The following ZNF804A variants were observed in gnomAD, a reference collection of about 807,000 sequenced individuals.
ZNF804A encodes the protein zinc finger protein 804A.
In ZNF804A, 2 loss-of-function variants were observed where a neutral mutation model predicts 16.5. That is an observed-to-expected ratio of 0.12 (90% CI 0.05 to 0.38). The LOEUF is 0.38. Ranked by LOEUF, ZNF804A falls within the 10% of genes least tolerant of loss-of-function variation. ZNF804A has a pLI of 0.99. For missense variants in ZNF804A, 1,473 were observed against 1,390.7 expected, an observed-to-expected ratio of 1.06 and a Z score of -0.94; for synonymous variants, 534 against 489.6, an observed-to-expected ratio of 1.09 and a Z score of -1.20.
intron 1 of ZNF804A, among the ~76,000 whole-genome samples, chr2:184,715,217 A>G (rs1439350988): frequency 6.6e-6 from 1 of 152,192 alleles, no homozygotes; most frequent in Admixed American, 6.6e-5. Flanking sequence ...AATTTGGACA[A>G]GACCTATTAT....
intron 2 of ZNF804A, among the ~76,000 whole-genome samples, chr2:184,872,855 T>G (rs2105814119): frequency 6.6e-6 from 1 of 152,278 alleles, no homozygotes; most frequent in South Asian, 2.1e-4. Context: ...TTACATACAG[T>G]TCTGCATTCT....
intron 1 of ZNF804A, among the ~76,000 whole-genome samples, chr2:184,809,381 T>C (rs1463474605): frequency 6.6e-6 from 1 of 151,860 alleles, no homozygotes; most frequent in Non-Finnish European, 1.5e-5. Flanking sequence ...TTTCCTGATA[T>C]AAGCCAATAT....
intron 1 of ZNF804A, among the ~76,000 whole-genome samples, chr2:184,857,203 T>C (rs917072544): frequency 5.3e-5 from 8 of 152,120 alleles, no homozygotes; most frequent in Non-Finnish European, 1.0e-4. Flanking sequence ...TGAAGATAAT[T>C]TAAATTTTTC....
chr2:184,725,003 A>G (rs1284330495), intron 1 of ZNF804A, among the ~76,000 whole-genome samples: 2 of 151,890 alleles, frequency 1.3e-5, no homozygotes, highest in East Asian at 3.9e-4. Flanking sequence ...ATTAGTGAAT[A>G]CATACAGTTA....
At chr2:184,689,265 A>C (rs551644811) in intron 1 of ZNF804A, among the ~76,000 whole-genome samples, 21 of 152,146 alleles carry the variant, frequency 1.4e-4, no homozygotes, top group Middle Eastern at 6.3e-3. Flanking sequence ...TCCAAATACA[A>C]TATTTCTGAT....
intron 1 of ZNF804A, among the ~76,000 whole-genome samples, chr2:184,773,090 T>C (rs1232500255): frequency 6.6e-6 from 1 of 150,974 alleles, no homozygotes; most frequent in Non-Finnish European, 1.5e-5. Flanking sequence ...ATTTGGCCTG[T>C]TAAAATGTAT....
intron 1 of ZNF804A, among the ~76,000 whole-genome samples, chr2:184,860,248 T>A (rs1695778275): frequency 6.6e-6 from 1 of 152,188 alleles, no homozygotes. Context: ...CCTAGAGGCT[T>A]GGTCTGTGAG....
chr2:184,782,843 T>C (rs16826194), intron 1 of ZNF804A, among the ~76,000 whole-genome samples: 4,593 of 149,670 alleles, frequency 0.031, 229 homozygotes, highest in African/African-American at 0.1. Context: ...GCATAAAAAA[T>C]TGATTTATAT....
At chr2:184,790,839 G>A (rs1345702437) in intron 1 of ZNF804A, among the ~76,000 whole-genome samples, 1 of 152,052 alleles carries the variant, frequency 6.6e-6, no homozygotes, top group Non-Finnish European at 1.5e-5. Flanking sequence ...TCCTGACCTT[G>A]TGATCCACCC....
chr2:184,867,260 CAATA>C (rs1401344817), intron 2 of ZNF804A, among the ~76,000 whole-genome samples: 1 of 152,040 alleles, frequency 6.6e-6, no homozygotes. Context: ...TAACTTGATA[CAATA>C]CACAGTATTA....
At chr2:184,749,741 A>G (rs143558068) in intron 1 of ZNF804A, among the ~76,000 whole-genome samples, 1 of 151,390 alleles carries the variant, frequency 6.6e-6, no homozygotes, top group African/African-American at 2.4e-5. Context: ...CTAATTTATT[A>G]CTTTATGGCA....
intron 1 of ZNF804A, among the ~76,000 whole-genome samples, chr2:184,810,835 A>G (rs928572948): frequency 2.6e-5 from 4 of 152,148 alleles, no homozygotes; most frequent in Non-Finnish European, 4.4e-5. Flanking sequence ...ACTAAAAACC[A>G]TTCTATTATA....
chr2:184,864,390 C>T (rs779454496), intron 1 of ZNF804A, among the ~76,000 whole-genome samples: 2 of 152,156 alleles, frequency 1.3e-5, no homozygotes, highest in African/African-American at 4.8e-5. Context: ...AAACACCTCC[C>T]ATTAGGCCCC....
Position 184,936,997 on chromosome 2 carries a change from G to T in ZNF804A, c.1601G>T (p.Ser534Ile), listed in dbSNP as rs575525254. The T allele has an allele frequency of 1.3e-4, 205 of 1,613,652 alleles. 3 individuals are homozygous for T. In the South Asian group the frequency reaches 2.1e-3, roughly 17 times the overall value. Reference protein sequence around the residue: ...TPLLADDILSSSCDSGKNENT... With the variant: ...TPLLADDILSISCDSGKNENT... ...CTTTTGGCTGATGATATTCTCTCCA[G>T]TAGTTGTGATTCTGGAAAAAATGAG... The change falls in exon 4 of 4, where the codon AGT becomes ATT. Residue 534 changes from serine to isoleucine, a missense_variant. Physicochemically the swap from Ser to Ile is moderately radical, Grantham distance 142 (BLOSUM62 -2). Coordinates refer to ENST00000302277, the MANE Select transcript of ZNF804A (RefSeq NM_194250.2).
At chr2:184,715,799 C>T (rs1419888647) in intron 1 of ZNF804A, among the ~76,000 whole-genome samples, 1 of 151,996 alleles carries the variant, frequency 6.6e-6, no homozygotes, top group Non-Finnish European at 1.5e-5. Context: ...TTATTAATTT[C>T]TAAAAGAAAC....
At chr2:184,754,268 C>T (rs750898782) in intron 1 of ZNF804A, among the ~76,000 whole-genome samples, 2 of 151,852 alleles carry the variant, frequency 1.3e-5, no homozygotes, top group Non-Finnish European at 1.5e-5. Flanking sequence ...TAATTTAGCA[C>T]ATTTAATGCT....
Position 184,923,972 on chromosome 2 carries a change from T to C in ZNF804A, c.256-9631T>C, listed in dbSNP as rs769069062. Among the ~76,000 whole-genome samples, 48 of 151,526 alleles carry C rather than the reference T, an allele frequency of 3.2e-4. 1 individual carries two copies. Among genetic ancestry groups the C allele is most frequent in the Non-Finnish European group, 5.0e-4 (34 of 67,786 alleles). ...CTAGTATTTGTTGAGGATTTTTGTA[T>C]CAGTAGTCATCAGTGATGTTGACAT... is the stretch of plus-strand genomic sequence containing the variant. On this transcript the variant is annotated intron_variant, in intron 2 of 3. Coordinates refer to ENST00000302277, the MANE Select transcript of ZNF804A (RefSeq NM_194250.2).
chr2:184,632,600 T>C (rs359892), intron 1 of ZNF804A, among the ~76,000 whole-genome samples: 67,424 of 152,064 alleles, frequency 0.44, 16,123 homozygotes, highest in African/African-American at 0.62. Context: ...TTTCACCATG[T>C]TGGCCAAGCT....
At chr2:184,712,851 T>C (rs1463571910) in intron 1 of ZNF804A, among the ~76,000 whole-genome samples, 2 of 151,772 alleles carry the variant, frequency 1.3e-5, no homozygotes, top group Non-Finnish European at 3.0e-5. Context: ...CCAGAGTTTC[T>C]CTTTGCTTCT....
Sources: allele counts gnomAD v4.1 joint callset (sites outside exome capture counted in the v4.1 genomes callset), GRCh38; gene constraint gnomAD v4.1.1; transcripts MANE v1.5; gene names NCBI Gene and HGNC (gene_info 2026-07-23, HGNC 2026-07-21).